Variants in ZMAT4 observed in about 807,000 individuals in gnomAD.
ZMAT4 encodes the protein zinc finger matrin-type 4.
Under a neutral mutation model 28.7 loss-of-function variants are expected in ZMAT4, and 17 were observed. The ratio of observed to expected loss-of-function variants is 0.59; its 90% CI spans 0.41 to 0.89. ZMAT4 has a LOEUF of 0.89. ZMAT4 is among the 40% of genes least tolerant of loss of function. ZMAT4 has a pLI of 0.00. For missense variants in ZMAT4, 240 were observed against 283.8 expected, an observed-to-expected ratio of 0.85 and a Z score of 1.11; for synonymous variants, 117 against 109.2, an observed-to-expected ratio of 1.07 and a Z score of -0.44.
At chr8:40,784,408 A>G (rs1813977200) in intron 2 of ZMAT4, among the ~76,000 whole-genome samples, 1 of 152,180 alleles carries the variant, frequency 6.6e-6, no homozygotes, top group Admixed American at 6.6e-5. Context: ...AGGGAAAGAT[A>G]GGGCTGTTCT....
chr8:40,835,319 G>A (rs1015814958), intron 1 of ZMAT4, among the ~76,000 whole-genome samples: 1 of 152,174 alleles, frequency 6.6e-6, no homozygotes, highest in Non-Finnish European at 1.5e-5. Flanking sequence ...TATGTTTCCT[G>A]TCGCTCATTC....
intron 4 of ZMAT4, among the ~76,000 whole-genome samples, chr8:40,678,058 G>A (rs1043135945): frequency 1.3e-5 from 2 of 152,114 alleles, no homozygotes; most frequent in Non-Finnish European, 2.9e-5. Context: ...CCCACAGCCT[G>A]ATTCGTGTTT....
At chr8:40,749,193 G>A (rs1812360518) in intron 3 of ZMAT4, among the ~76,000 whole-genome samples, 1 of 152,030 alleles carries the variant, frequency 6.6e-6, no homozygotes, top group African/African-American at 2.4e-5. Context: ...AGCAGCATGA[G>A]AACAGACTAA....
intron 2 of ZMAT4, among the ~76,000 whole-genome samples, chr8:40,823,437 T>A (rs2150609532): frequency 6.6e-6 from 1 of 152,210 alleles, no homozygotes; most frequent in Non-Finnish European, 1.5e-5. Flanking sequence ...GGTGAGCAGA[T>A]AATGAGGTCA....
chr8:40,568,541 G>T (rs907581872), intron 6 of ZMAT4, among the ~76,000 whole-genome samples: 4 of 152,080 alleles, frequency 2.6e-5, no homozygotes, highest in African/African-American at 9.7e-5. Flanking sequence ...TCATAATTTT[G>T]GGATAGAAGT....
intron 1 of ZMAT4, among the ~76,000 whole-genome samples, chr8:40,836,279 G>A (rs902572839): frequency 1.3e-5 from 2 of 152,014 alleles, no homozygotes; most frequent in African/African-American, 4.8e-5. Context: ...AAAATATCTG[G>A]CCACATCAAG....
At chr8:40,729,582 CTTCT>C (rs138234442) in intron 3 of ZMAT4, among the ~76,000 whole-genome samples, 1 of 140,730 alleles carries the variant, frequency 7.1e-6, no homozygotes, top group African/African-American at 2.6e-5. Flanking sequence ...TCTTTGTATA[CTTCT>C]TTCTTTCTTT....
chr8:40,790,938 C>T (rs1252646385), intron 2 of ZMAT4, among the ~76,000 whole-genome samples: 1 of 152,140 alleles, frequency 6.6e-6, no homozygotes, highest in Non-Finnish European at 1.5e-5. Flanking sequence ...TATACACCAA[C>T]AGATTAATGA....
At chr8:40,874,861 A>G (rs2150657769) in intron 1 of ZMAT4, among the ~76,000 whole-genome samples, 1 of 152,324 alleles carries the variant, frequency 6.6e-6, no homozygotes, top group Non-Finnish European at 1.5e-5. Context: ...AAACAACATC[A>G]AAGAAGGCAG....
At chr8:40,594,686 G>C (rs1286673169) in intron 5 of ZMAT4, among the ~76,000 whole-genome samples, 2 of 152,178 alleles carry the variant, frequency 1.3e-5, no homozygotes, top group Non-Finnish European at 2.9e-5. Flanking sequence ...CAAAAATAAA[G>C]ACCTAACTCG....
At chr8:40,767,362 C>T (rs753834028) in intron 3 of ZMAT4, among the ~76,000 whole-genome samples, 6 of 152,140 alleles carry the variant, frequency 3.9e-5, no homozygotes, top group Non-Finnish European at 8.8e-5. Flanking sequence ...CCTCCCCTTA[C>T]CCAGCCTTGC....
intron 1 of ZMAT4, among the ~76,000 whole-genome samples, chr8:40,860,951 A>G (rs1817468570): frequency 6.6e-6 from 1 of 152,154 alleles, no homozygotes; most frequent in Non-Finnish European, 1.5e-5. Context: ...TGGGAGACAG[A>G]CCCAAAAAAG....
chr8:40,567,385 A>G (rs1284061211), intron 6 of ZMAT4, among the ~76,000 whole-genome samples: 1 of 152,152 alleles, frequency 6.6e-6, no homozygotes, highest in Non-Finnish European at 1.5e-5. Context: ...GATTCTGGTT[A>G]CATCTGGCTA....
intron 2 of ZMAT4, among the ~76,000 whole-genome samples, chr8:40,774,102 A>G (rs541963321): frequency 2.0e-5 from 3 of 152,150 alleles, no homozygotes; most frequent in East Asian, 3.9e-4. Context: ...TATGTGTAAG[A>G]AGAAAACCAC....
intron 1 of ZMAT4, among the ~76,000 whole-genome samples, chr8:40,827,171 A>T (rs1427908583): frequency 6.6e-6 from 1 of 152,168 alleles, no homozygotes; most frequent in East Asian, 1.9e-4. Context: ...TGATGCTACC[A>T]CATGGCATTG....
rs546034941 is a variant in ZMAT4 at position 40,718,401 on chromosome 8, C to A, written c.193-21000G>T. The stretch of plus-strand genomic sequence containing the variant: ...ACAATCTAGCCAAGCTTACTGATCC[C>A]ATCCTTGAAGATAGAAGTAAGCCAG... On this transcript the variant is annotated intron_variant, in intron 3 of 6. Transcript: ENST00000297737. Among the ~76,000 whole-genome samples the A allele has an allele frequency of 6.5e-3, 995 of 152,300 alleles. 13 individuals are homozygous for A. The highest frequency in any genetic ancestry group is 0.023 in the African/African-American group (963 of 41,574).
rs1017307840 is a variant in ZMAT4 at position 40,715,922 on chromosome 8, C to T, written c.193-18521G>A. Among the ~76,000 whole-genome samples, 5 of 152,222 alleles carry T rather than the reference C, an allele frequency of 3.3e-5. No individual in the cohort carries two copies. The East Asian group carries it at 5.8e-4, about 18-fold the overall frequency. On this transcript the variant is annotated intron_variant, in intron 3 of 6. Transcript: ENST00000297737. ...GAGAAAAACTGCTAAGGCATCAACACGAATGTTTTCTGCCCAAGCCTATAA... is the reference window on the plus strand; with the variant it reads ...GAGAAAAACTGCTAAGGCATCAACATGAATGTTTTCTGCCCAAGCCTATAA...
At chr8:40,658,053 A>C (rs1007397003) in intron 5 of ZMAT4, among the ~76,000 whole-genome samples, 2 of 151,376 alleles carry the variant, frequency 1.3e-5, no homozygotes, top group African/African-American at 4.9e-5. Flanking sequence ...CATGTTATAA[A>C]CTCCATGTAT....
intron 6 of ZMAT4, among the ~76,000 whole-genome samples, chr8:40,535,237 A>G (rs1585652891): frequency 6.6e-6 from 1 of 152,152 alleles, no homozygotes; most frequent in Non-Finnish European, 1.5e-5. Flanking sequence ...ATCTGTAGGA[A>G]CAGCCATGTC....
Sources: gnomAD v4.1 joint callset for allele counts (sites outside exome capture counted in the v4.1 genomes callset) on GRCh38, gnomAD v4.1.1 for gene constraint, MANE v1.5 for transcripts, NCBI Gene and HGNC (gene_info 2026-07-23, HGNC 2026-07-21) for gene names.